The following PIEZO1 variants were observed in gnomAD, a reference collection of about 807,000 sequenced individuals.
PIEZO1 encodes the protein piezo type mechanosensitive ion channel component 1 (Er blood group).
In PIEZO1, 296 loss-of-function variants were observed where a neutral mutation model predicts 297.2. The ratio of observed to expected loss-of-function variants is 1.00; its 90% CI spans 0.91 to 1.10. The LOEUF is 1.10. PIEZO1 is among the 50% of genes least tolerant of loss of function. The pLI is 0.00. For missense variants in PIEZO1, 5,018 were observed against 3,455.5 expected, an observed-to-expected ratio of 1.45 and a Z score of -11.34; for synonymous variants, 2,427 against 1,507.5, an observed-to-expected ratio of 1.61 and a Z score of -14.13.
chr16:88,783,773 C>T (rs896898744), intron 1 of PIEZO1, among the ~76,000 whole-genome samples: 1 of 152,228 alleles, frequency 6.6e-6, no homozygotes, highest in Non-Finnish European at 1.5e-5. Context: ...GAAAATCTTC[C>T]CCAAGTTTCA....
chr16:88,744,792 C>T (rs931669514), intron 2 of PIEZO1, among the ~76,000 whole-genome samples: 4 of 151,950 alleles, frequency 2.6e-5, no homozygotes, highest in African/African-American at 7.3e-5. Context: ...CTCCTGGCCA[C>T]GTGGCACGCC....
intron 2 of PIEZO1, chr16:88,743,451 G>A (rs1338169468): frequency 2.2e-6 from 1 of 444,872 alleles, no homozygotes; most frequent in South Asian, 1.6e-5. Flanking sequence ...GTGCAGAACA[G>A]CTCAGGCCCT....
intron 17 of PIEZO1, 42 bp downstream of exon 17, chr16:88,733,864 C>T (rs993365025): frequency 3.4e-6 from 5 of 1,470,108 alleles, no homozygotes; most frequent in Admixed American, 4.7e-5. Context: ...GGACATGGCA[C>T]AGCAGACTGG....
At position 88,733,375 on chromosome 16, in the gene PIEZO1, C is replaced by A; in HGVS notation, c.2567G>T (p.Cys856Phe). 3 of 1,550,196 alleles carry A rather than the reference C, an allele frequency of 1.9e-6. No homozygotes were observed. The highest frequency in any genetic ancestry group is 2.6e-6 in the Non-Finnish European group (3 of 1,146,858). ...PYPRFRPMAS[C>F]LSTVWTCVII... ...GACGCAGGTCCACACGGTGGACAGGCAGGAGGCCATGGGCCGGAAGCGTGG... is the reference window on the plus strand; with the variant it reads ...GACGCAGGTCCACACGGTGGACAGGAAGGAGGCCATGGGCCGGAAGCGTGG... The change falls in exon 19 of 51, where the codon TGC becomes TTC. Residue 856 changes from cysteine to phenylalanine, a missense_variant. Coordinates refer to ENST00000301015, the MANE Select transcript of PIEZO1 (RefSeq NM_001142864.4).
chr16:88,732,006 T>A, intron 21 of PIEZO1, 96 bp from the exon 22 acceptor site: 1 of 9,806 alleles, frequency 1.0e-4, no homozygotes. Context: ...GCAGCAGCCC[T>A]GCCTGGAGGC....
chr16:88,745,489 G>A (rs1905992142), intron 2 of PIEZO1: 1 of 152,272 alleles, frequency 6.6e-6, no homozygotes, highest in Admixed American at 6.5e-5. Flanking sequence ...TGGCGTGGTG[G>A]TTCACACCTT....
chr16:88,726,701 G>C lies in PIEZO1; in HGVS notation c.3699+14C>G, dbSNP rs540619953. The C allele has an allele frequency of 2.1e-5, 32 of 1,548,090 alleles. No homozygotes were observed. The East Asian group carries it at 4.9e-4, about 24-fold the overall frequency. On this transcript the variant is annotated intron_variant, in intron 25 of 50. Transcript: ENST00000301015. ...GGCCCCAGGGCGGTGGGTGCGGGGG[G>C]GCCGGAGGCTCACCGACAGCATGTT... is the stretch of plus-strand genomic sequence containing the variant.
chr16:88,762,511 GGGA>G (rs1906978700), intron 1 of PIEZO1, among the ~76,000 whole-genome samples: 2 of 152,214 alleles, frequency 1.3e-5, no homozygotes, highest in East Asian at 1.9e-4. Flanking sequence ...GATGTGTCTG[GGGA>G]GGAGAAGGGG....
intron 1 of PIEZO1, among the ~76,000 whole-genome samples, chr16:88,759,931 C>G (rs1906849639): frequency 1.3e-5 from 2 of 152,286 alleles, no homozygotes; most frequent in South Asian, 4.1e-4. Context: ...GGAGGCCGAG[C>G]CCGGCCAGGC....
Position 88,735,138 on chromosome 16 carries a change from T to G in PIEZO1, c.1666A>C (p.Thr556Pro). ...CCGCCTCTGGCCCACCACTCACCTG[T>G]GTCTGCCACGGTGACCTCCGTCAGC... ...AALTEVTVAD[T>P]EPTRTQTLLQ... The change falls in exon 13 of 51, where the codon ACA becomes CCA. Residue 556 changes from threonine to proline, a missense_variant. Coordinates refer to ENST00000301015, the MANE Select transcript of PIEZO1 (RefSeq NM_001142864.4). The G allele has an allele frequency of 1.3e-6, 2 of 1,549,726 alleles. No individual in the cohort carries two copies. Among genetic ancestry groups the G allele is most frequent in the South Asian group, 1.2e-5 (1 of 84,056 alleles).
Position 88,723,090 on chromosome 16 carries a change from CG to C in PIEZO1, c.4495+4del. 2 of 1,547,348 alleles carry C rather than the reference CG, an allele frequency of 1.3e-6. No individual in the cohort carries two copies. The highest frequency in any genetic ancestry group is 1.7e-6 in the Non-Finnish European group (2 of 1,146,552). ...CTCCCACTCCCCAGCCCCGGGCCCACGTACCTGCCGCTGCCTCCTCGGGGCC... is the reference window on the plus strand; with the variant it reads ...CTCCCACTCCCCAGCCCCGGGCCCACTACCTGCCGCTGCCTCCTCGGGGCC... On this transcript the variant is annotated splice_donor_region_variant and intron_variant, in intron 33 of 50. Transcript: ENST00000301015.
chr16:88,736,977 G>A, intron 10 of PIEZO1: 1 of 431,984 alleles, frequency 2.3e-6, no homozygotes, highest in Non-Finnish European at 4.2e-6. Flanking sequence ...GGGTGGGAAA[G>A]GTGGCCCTGA....
chr16:88,726,134 C>G (rs1269890001), intron 27 of PIEZO1, 150 bp downstream of exon 27: 2 of 649,248 alleles, frequency 3.1e-6, no homozygotes, highest in African/African-American at 3.6e-5. Flanking sequence ...GATCTGCCGG[C>G]CTTCATTCTC....
intron 1 of PIEZO1, among the ~76,000 whole-genome samples, chr16:88,770,296 G>C (rs990442980): frequency 6.6e-6 from 1 of 152,010 alleles, no homozygotes; most frequent in African/African-American, 2.4e-5. Context: ...TGCACAGCCC[G>C]CTCCCCCATG....
chr16:88,725,523 T>TGGTGGGGAAA lies in PIEZO1; in HGVS notation c.4059-14_4059-5dup. The TGGTGGGGAAA allele has an allele frequency of 1.3e-6, 2 of 1,537,444 alleles. No homozygotes were observed. The highest frequency in any genetic ancestry group is 8.8e-7 in the Non-Finnish European group (1 of 1,138,872). On this transcript the variant is annotated splice_polypyrimidine_tract_variant and splice_region_variant and intron_variant, in intron 28 of 50. Transcript: ENST00000301015. ...CTTGGCACGGATACGCTCCATCCTG[T>TGGTGGGGAAA]GGTGGGGAAAGGTGGGGTATGCTGA...
chr16:88,720,311 G>A (rs1245058261), intron 41 of PIEZO1, 28 bp from the exon 42 acceptor site: 1 of 1,550,112 alleles, frequency 6.5e-7, no homozygotes, highest in South Asian at 1.2e-5. Context: ...CAGGTCAGGG[G>A]GAGCCAAGCC....
chr16:88,784,700 C>T (rs1908098279), intron 1 of PIEZO1, among the ~76,000 whole-genome samples: 1 of 151,702 alleles, frequency 6.6e-6, no homozygotes, highest in Non-Finnish European at 1.5e-5. Context: ...CCCTTCCAGC[C>T]CGGCCCTGGG....
At chr16:88,739,027 G>C (rs1236790077) in intron 5 of PIEZO1, 1 of 506,746 alleles carries the variant, frequency 2.0e-6, no homozygotes, top group African/African-American at 1.9e-5. Context: ...TGATGACCTT[G>C]CCAGGTACAG....
chr16:88,730,551 T>C (rs1904732011), intron 22 of PIEZO1, among the ~76,000 whole-genome samples: 1 of 142,560 alleles, frequency 7.0e-6, no homozygotes, highest in South Asian at 2.2e-4. Context: ...TGAGCCGAGA[T>C]TGTGCCAGTG....
Sources: gnomAD v4.1 joint callset for allele counts (sites outside exome capture counted in the v4.1 genomes callset) on GRCh38, gnomAD v4.1.1 for gene constraint, MANE v1.5 for transcripts, NCBI Gene and HGNC (gene_info 2026-07-23, HGNC 2026-07-21) for gene names.